Variants in GPHN observed in about 807,000 individuals in gnomAD.
GPHN encodes gephyrin.
GPHN carries 17 observed loss-of-function variants against 95.5 expected under a neutral mutation model. The ratio of observed to expected loss-of-function variants is 0.18; its 90% confidence interval spans 0.12 to 0.27. The LOEUF is 0.27. Ranked by LOEUF, GPHN falls within the 10% of genes least tolerant of loss-of-function variation. The pLI is 1.00. For missense variants in GPHN, 660 were observed against 978.1 expected (o/e 0.67, Z 4.34); for synonymous variants, 320 against 322.5 (o/e 0.99, Z 0.08).
intron 10 of GPHN, among the ~76,000 whole-genome samples, chr14:67,035,470 AC>A (rs2074375103): frequency 6.6e-6 from 1 of 151,896 alleles, no homozygotes; most frequent in African/African-American, 2.4e-5. Context: ...TCTCTAAAAT[AC>A]CAACAAAATT....
chr14:67,165,252 C>T (rs2140003303), intron 20 of GPHN, 26 bp downstream of exon 20: 1 of 1,546,374 alleles, frequency 6.5e-7, no homozygotes, highest in Non-Finnish European at 8.9e-7. Flanking sequence ...TGTTTCCTTT[C>T]CTTTTTCTGG....
At chr14:67,676,356 A>C in the GPHN span, among the ~76,000 whole-genome samples, 2 of 152,190 alleles carry the variant, frequency 1.3e-5, no homozygotes, top group African/African-American at 4.8e-5. Flanking sequence ...GTCTGAGGAT[A>C]GTCAGTATAC....
the GPHN span, among the ~76,000 whole-genome samples, chr14:67,330,313 CTTAATTT>C: frequency 6.6e-6 from 1 of 151,668 alleles, no homozygotes; most frequent in Non-Finnish European, 1.5e-5. Flanking sequence ...AAGATGAATG[CTTAATTT>C]TTAAACTCTT....
chr14:66,525,150 A>C (rs1163653455), intron 1 of GPHN, among the ~76,000 whole-genome samples: 1 of 152,120 alleles, frequency 6.6e-6, no homozygotes, highest in Admixed American at 6.5e-5. Context: ...CATCCTCTCC[A>C]GCATCTGTTG....
chr14:67,296,368 A>G, the GPHN span, among the ~76,000 whole-genome samples: 11 of 152,030 alleles, frequency 7.2e-5, no homozygotes, highest in East Asian at 1.9e-4. Flanking sequence ...TGGGAGGCCA[A>G]GGTGGGCAGA....
chr14:67,279,207 G>C, the GPHN span: 43 of 1,610,706 alleles, frequency 2.7e-5, no homozygotes, highest in Non-Finnish European at 3.6e-5. Flanking sequence ...TGTTACAGAG[G>C]AATCAGACAG....
the GPHN span, among the ~76,000 whole-genome samples, chr14:67,606,584 A>AT: frequency 1.3e-5 from 2 of 152,110 alleles, no homozygotes; most frequent in African/African-American, 2.4e-5. Context: ...TTATGTAACT[A>AT]TTTTTTTATG....
intron 3 of GPHN, among the ~76,000 whole-genome samples, 154 bp downstream of exon 3, chr14:66,776,675 G>T (rs971913910): frequency 6.6e-6 from 1 of 151,944 alleles, no homozygotes; most frequent in Non-Finnish European, 1.5e-5. Context: ...ATATGTATCA[G>T]ATAATCACCA....
chr14:67,430,656 C>G, the GPHN span, among the ~76,000 whole-genome samples: 1 of 151,972 alleles, frequency 6.6e-6, no homozygotes, highest in Non-Finnish European at 1.5e-5. Context: ...GGAGTGGAGT[C>G]TTGGTGGAGG....
chr14:66,932,588 G>A (rs1049451337), intron 8 of GPHN, among the ~76,000 whole-genome samples: 5 of 146,366 alleles, frequency 3.4e-5, no homozygotes, highest in African/African-American at 1.3e-4. Flanking sequence ...TATTTTACCA[G>A]GTTGCAAGAC....
chr14:66,773,723 G>C (rs1353781098), intron 2 of GPHN, among the ~76,000 whole-genome samples: 1 of 152,058 alleles, frequency 6.6e-6, no homozygotes, highest in African/African-American at 2.4e-5. Context: ...ACACATCACT[G>C]ATGTAAGAGT....
At chr14:67,199,573 T>C in the GPHN span, 1 of 1,596,488 alleles carries the variant, frequency 6.3e-7, no homozygotes, top group East Asian at 2.2e-5. Flanking sequence ...GTAACCACCC[T>C]ATCACCGTAT....
At chr14:67,685,622 C>T in the GPHN span, among the ~76,000 whole-genome samples, 1 of 151,880 alleles carries the variant, frequency 6.6e-6, no homozygotes. Context: ...CACACCCACC[C>T]CATCCCCTTC....
chr14:67,309,320 T>A, the GPHN span, among the ~76,000 whole-genome samples: 1 of 152,248 alleles, frequency 6.6e-6, no homozygotes, highest in South Asian at 2.1e-4. Context: ...ATAAAAGTCA[T>A]ATAGTATCTG....
At chr14:67,561,903 T>A in the GPHN span, 14 of 1,202,480 alleles carry the variant, frequency 1.2e-5, no homozygotes, top group Non-Finnish European at 1.6e-5. Context: ...AAAAAATACA[T>A]CTAAACCTGT....
At chr14:67,673,306 T>G in the GPHN span, among the ~76,000 whole-genome samples, 2 of 151,978 alleles carry the variant, frequency 1.3e-5, no homozygotes, top group African/African-American at 4.8e-5. Context: ...ATCGTGCCAC[T>G]GCACTCCAGC....
chr14:67,253,403 A>G, the GPHN span, among the ~76,000 whole-genome samples: 4 of 152,228 alleles, frequency 2.6e-5, no homozygotes, highest in Non-Finnish European at 4.4e-5. Context: ...CAAATGAGAG[A>G]AAACAATTTG....
the GPHN span, chr14:67,588,068 A>ACCC: frequency 3.9e-5 from 6 of 152,640 alleles, no homozygotes; most frequent in Non-Finnish European, 7.3e-5. Context: ...AGGCATTGGT[A>ACCC]CAGCCCCTTC....
intron 4 of GPHN, among the ~76,000 whole-genome samples, chr14:66,829,700 T>A (rs577216657): frequency 1.3e-5 from 2 of 152,312 alleles, no homozygotes; most frequent in African/African-American, 2.4e-5. Flanking sequence ...ATTATTTTGA[T>A]CATAAGTAAA....
Sources: allele counts gnomAD v4.1 joint callset (sites outside exome capture counted in the v4.1 genomes callset), GRCh38; gene constraint gnomAD v4.1.1; transcripts MANE v1.5; gene names NCBI Gene and HGNC (gene_info 2026-07-23, HGNC 2026-07-21).